FRMD4A: variants seen among roughly 807,000 people sequenced by gnomAD.
FRMD4A encodes FERM domain-containing protein 4A.
FRMD4A carries 29 observed loss-of-function variants against 129.1 expected under a neutral mutation model. The ratio of observed to expected loss-of-function variants is 0.22; its 90% CI spans 0.17 to 0.31. The LOEUF is 0.31. Among genes scored for constraint, FRMD4A ranks in the 10% least tolerant of loss-of-function variants. The pLI is 1.00. For missense variants in FRMD4A, 1,272 were observed against 1,375.8 expected (o/e 0.92, Z 1.19); for synonymous variants, 634 against 571.6 (o/e 1.11, Z -1.56).
At chr10:14,152,158 C>T (rs896034023) in intron 2 of FRMD4A, among the ~76,000 whole-genome samples, 14 of 109,044 alleles carry the variant, frequency 1.3e-4, no homozygotes, top group Non-Finnish European at 1.7e-4. Context: ...GACATAGTCT[C>T]GCTCTGTCGC....
intron 2 of FRMD4A, among the ~76,000 whole-genome samples, chr10:13,997,147 C>CA (rs1263056127): frequency 6.6e-6 from 1 of 150,926 alleles, no homozygotes; most frequent in East Asian, 1.9e-4. Flanking sequence ...TCTCTCTTGC[C>CA]TTTTTTTTTG....
intron 12 of FRMD4A, among the ~76,000 whole-genome samples, chr10:13,716,419 C>T (rs910765749): frequency 1.3e-5 from 2 of 152,146 alleles, no homozygotes; most frequent in African/African-American, 4.8e-5. Context: ...TCACTGGCTT[C>T]CTAAATGGGT....
intron 2 of FRMD4A, among the ~76,000 whole-genome samples, chr10:14,279,751 C>T (rs545340637): frequency 6.6e-6 from 1 of 152,302 alleles, no homozygotes; most frequent in South Asian, 2.1e-4. Flanking sequence ...TGCATGATCT[C>T]ATTTAAGTCT....
intron 2 of FRMD4A, among the ~76,000 whole-genome samples, chr10:14,282,167 A>G (rs1179647997): frequency 6.6e-6 from 1 of 152,174 alleles, no homozygotes. Flanking sequence ...CCATAATTCA[A>G]TTATCTCCCA....
At chr10:13,845,063 T>C (rs2094023230) in intron 3 of FRMD4A, among the ~76,000 whole-genome samples, 1 of 152,198 alleles carries the variant, frequency 6.6e-6, no homozygotes, top group Non-Finnish European at 1.5e-5. Context: ...ATCATTTTAA[T>C]ATAAAGCCTT....
intron 2 of FRMD4A, among the ~76,000 whole-genome samples, chr10:13,919,094 T>C (rs1413298593): frequency 6.6e-6 from 1 of 152,176 alleles, no homozygotes; most frequent in African/African-American, 2.4e-5. Context: ...TCCACACTTG[T>C]TTCTAAACTC....
At chr10:14,042,571 C>T (rs531897177) in intron 2 of FRMD4A, among the ~76,000 whole-genome samples, 3 of 152,042 alleles carry the variant, frequency 2.0e-5, no homozygotes, top group African/African-American at 7.2e-5. Flanking sequence ...TTCACGGCAC[C>T]GAAGAACAGG....
At chr10:13,671,100 T>C (rs2083473474) in intron 16 of FRMD4A, among the ~76,000 whole-genome samples, 1 of 152,234 alleles carries the variant, frequency 6.6e-6, no homozygotes, top group Admixed American at 6.5e-5. Flanking sequence ...TAACCTACTC[T>C]GGCCAGATGC....
chr10:13,853,925 G>A (rs1409912714), intron 3 of FRMD4A, among the ~76,000 whole-genome samples: 2 of 151,058 alleles, frequency 1.3e-5, no homozygotes, highest in Non-Finnish European at 2.9e-5. Context: ...GCACTGAAAC[G>A]AAGCCTGTCT....
chr10:13,877,639 T>C lies in FRMD4A; in HGVS notation c.46-18727A>G, dbSNP rs74355551. Among the ~76,000 whole-genome samples the C allele has an allele frequency of 9.6e-3, 1,458 of 152,360 alleles. 54 individuals are homozygous for C. The highest frequency in any genetic ancestry group is 0.059 in the Admixed American group (895 of 15,294). ...TGACATCCACACGGAGCAGTCCATC[T>C]GGGCTAGAGGCTACCGCCTTTCTGT... is the stretch of plus-strand genomic sequence containing the variant. On this transcript the variant is annotated intron_variant, in intron 2 of 24. Transcript: ENST00000357447.
At chr10:14,023,618 C>A (rs532613011) in intron 2 of FRMD4A, among the ~76,000 whole-genome samples, 1 of 152,148 alleles carries the variant, frequency 6.6e-6, no homozygotes. Context: ...CAACACAGAA[C>A]GAACAGACCC....
chr10:13,878,309 T>C (rs1306931359), intron 2 of FRMD4A, among the ~76,000 whole-genome samples: 1 of 151,564 alleles, frequency 6.6e-6, no homozygotes, highest in Non-Finnish European at 1.5e-5. Context: ...TGTTTTTGCC[T>C]GGATCTGAGC....
intron 17 of FRMD4A, among the ~76,000 whole-genome samples, chr10:13,669,052 C>T (rs1254673188): frequency 8.0e-6 from 1 of 124,550 alleles, no homozygotes; most frequent in Non-Finnish European, 1.6e-5. Flanking sequence ...CCTAACTGAG[C>T]TTTAGTTTTT....
chr10:13,880,662 C>T (rs904247503), intron 2 of FRMD4A, among the ~76,000 whole-genome samples: 1 of 152,120 alleles, frequency 6.6e-6, no homozygotes, highest in Non-Finnish European at 1.5e-5. Flanking sequence ...CCCTGCCACA[C>T]TTCTGCCTCA....
intron 15 of FRMD4A, among the ~76,000 whole-genome samples, chr10:13,680,587 G>A (rs561507204): frequency 3.9e-5 from 6 of 152,028 alleles, no homozygotes; most frequent in South Asian, 2.1e-4. Context: ...TCAGCTGGGC[G>A]TTGTGGCATG....
chr10:13,695,132 G>C (rs74814631), intron 14 of FRMD4A, among the ~76,000 whole-genome samples: 1 of 149,992 alleles, frequency 6.7e-6, no homozygotes, highest in Non-Finnish European at 1.5e-5. Context: ...TAAAAGCAGC[G>C]GTTTTTCAAA....
chr10:13,938,506 G>T (rs1432696891), intron 2 of FRMD4A, among the ~76,000 whole-genome samples: 1 of 152,172 alleles, frequency 6.6e-6, no homozygotes, highest in Non-Finnish European at 1.5e-5. Context: ...ACCTCCTAAA[G>T]TGCTAGGATT....
chr10:14,209,977 G>A (rs972889924), intron 2 of FRMD4A, among the ~76,000 whole-genome samples: 1 of 152,152 alleles, frequency 6.6e-6, no homozygotes, highest in Admixed American at 6.5e-5. Context: ...AAGGCAAGGA[G>A]AGTGACAAAG....
At chr10:14,300,410 G>T (rs2132088790) in intron 2 of FRMD4A, among the ~76,000 whole-genome samples, 1 of 152,212 alleles carries the variant, frequency 6.6e-6, no homozygotes, top group East Asian at 1.9e-4. Flanking sequence ...TAGACAGTCT[G>T]CAATTTTTAA....
Sources: allele counts gnomAD v4.1 joint callset (sites outside exome capture counted in the v4.1 genomes callset), GRCh38; gene constraint gnomAD v4.1.1; transcripts MANE v1.5; gene names NCBI Gene and HGNC (gene_info 2026-07-23, HGNC 2026-07-21).